Variants in TENM2 observed in about 807,000 individuals in gnomAD.
TENM2 encodes teneurin transmembrane protein 2.
TENM2 carries 52 observed loss-of-function variants against 245.2 expected under a neutral mutation model. The ratio of observed to expected loss-of-function variants is 0.21; its 90% CI spans 0.17 to 0.27. The LOEUF (loss-of-function observed/expected upper bound fraction) is 0.27. Among genes scored for constraint, TENM2 ranks in the 10% least tolerant of loss-of-function variants. TENM2 has a pLI of 1.00. For synonymous variants in TENM2, 1,363 were observed against 1,438.9 expected (o/e 0.95, Z 1.19); for missense variants, 3,046 against 3,666.8 (o/e 0.83, Z 4.37).
chr5:167,169,445 T>C, the TENM2 span, among the ~76,000 whole-genome samples: 1 of 152,222 alleles, frequency 6.6e-6, no homozygotes, highest in Admixed American at 6.5e-5. Flanking sequence ...TGTGGTCACA[T>C]TGCAACTCTT....
intron 1 of TENM2, among the ~76,000 whole-genome samples, chr5:167,350,987 T>C (rs1758858342): frequency 1.1e-4 from 11 of 95,908 alleles, no homozygotes; most frequent in Non-Finnish European, 1.8e-4. Flanking sequence ...CATATGGATA[T>C]ATATATGGAT....
the TENM2 span, among the ~76,000 whole-genome samples, chr5:167,273,086 G>A: frequency 6.6e-6 from 1 of 152,250 alleles, no homozygotes; most frequent in Admixed American, 6.5e-5. Flanking sequence ...TAAGTAGTAG[G>A]ATATTCTGAG....
intron 2 of TENM2, among the ~76,000 whole-genome samples, chr5:167,832,399 C>A (rs1273230504): frequency 2.0e-5 from 3 of 152,232 alleles, no homozygotes; most frequent in Non-Finnish European, 2.9e-5. Flanking sequence ...ATGTGAAAGA[C>A]CCCCAGCTTT....
At chr5:167,530,788 A>G (rs747731287) in intron 2 of TENM2, among the ~76,000 whole-genome samples, 17 of 152,170 alleles carry the variant, frequency 1.1e-4, no homozygotes, top group Non-Finnish European at 1.9e-4. Flanking sequence ...CAGCAAGCGG[A>G]CTTAGATGTC....
chr5:167,113,499 T>G, the TENM2 span, among the ~76,000 whole-genome samples: 12 of 151,830 alleles, frequency 7.9e-5, no homozygotes, highest in Non-Finnish European at 1.3e-4. Context: ...AAAAATTAAC[T>G]GGGCATGGTG....
chr5:167,401,435 C>T (rs1762361145), intron 2 of TENM2, among the ~76,000 whole-genome samples: 1 of 152,020 alleles, frequency 6.6e-6, no homozygotes, highest in Non-Finnish European at 1.5e-5. Flanking sequence ...CATGAGCAGC[C>T]AGTAAGATTC....
chr5:167,322,243 G>GT (rs1561861664), intron 1 of TENM2, among the ~76,000 whole-genome samples: 1 of 145,516 alleles, frequency 6.9e-6, no homozygotes. Context: ...GTTGTTTTTT[G>GT]TTTTTTGTTT....
At chr5:167,340,857 C>T (rs1365273546) in intron 1 of TENM2, among the ~76,000 whole-genome samples, 1 of 152,166 alleles carries the variant, frequency 6.6e-6, no homozygotes, top group Non-Finnish European at 1.5e-5. Flanking sequence ...AAGACTTATT[C>T]CCCAGAATAT....
chr5:168,203,774 C>T (rs1304298941), exon 18 of TENM2: 1 of 1,613,456 alleles, frequency 6.2e-7, no homozygotes, highest in East Asian at 2.2e-5. Flanking sequence ...TCGAGCTGGA[C>T]CCCTCCAACC....
chr5:167,672,213 A>G (rs1755996256), intron 2 of TENM2, among the ~76,000 whole-genome samples: 1 of 152,096 alleles, frequency 6.6e-6, no homozygotes, highest in South Asian at 2.1e-4. Context: ...CAATTTTATA[A>G]AATAACACAC....
chr5:167,779,199 A>C (rs970441841), intron 2 of TENM2, among the ~76,000 whole-genome samples: 1 of 152,206 alleles, frequency 6.6e-6, no homozygotes, highest in African/African-American at 2.4e-5. Context: ...TTTGTGCTGC[A>C]TGTTGTAAGT....
chr5:167,255,081 T>C, the TENM2 span, among the ~76,000 whole-genome samples: 1 of 151,600 alleles, frequency 6.6e-6, no homozygotes, highest in Non-Finnish European at 1.5e-5. Flanking sequence ...TTCTTTTTTT[T>C]TTTTTTTGCT....
chr5:167,596,397 C>G (rs1195965249), intron 2 of TENM2, among the ~76,000 whole-genome samples: 1 of 152,180 alleles, frequency 6.6e-6, no homozygotes, highest in Non-Finnish European at 1.5e-5. Flanking sequence ...TCCCTACAAA[C>G]CCTCAGTTCC....
At chr5:167,826,651 G>T (rs913011346) in intron 2 of TENM2, among the ~76,000 whole-genome samples, 1 of 152,102 alleles carries the variant, frequency 6.6e-6, no homozygotes, top group Non-Finnish European at 1.5e-5. Context: ...TTAATTAATT[G>T]ATTGATTAAG....
intron 5 of TENM2, among the ~76,000 whole-genome samples, chr5:168,016,262 C>G (rs987570370): frequency 5.3e-5 from 8 of 152,174 alleles, no homozygotes; most frequent in African/African-American, 1.9e-4. Context: ...TAGGAACTGC[C>G]CTAATGAAAC....
chr5:167,255,326 A>G, the TENM2 span, among the ~76,000 whole-genome samples: 25 of 152,174 alleles, frequency 1.6e-4, no homozygotes, highest in African/African-American at 5.8e-4. Flanking sequence ...TTTTCCTTTC[A>G]GATGACTGTA....
At chr5:167,445,336 T>TATATATATAGAGAGAGAGAGAG (rs368881390) in intron 2 of TENM2, among the ~76,000 whole-genome samples, 7 of 77,310 alleles carry the variant, frequency 9.1e-5, no homozygotes, top group Admixed American at 1.4e-4. Flanking sequence ...TATATATATA[T>TATATATATAGAGAGAGAGAGAG]AGAGAGAGAG....
chr5:167,428,201 G>T (rs1763994936), intron 2 of TENM2, among the ~76,000 whole-genome samples: 1 of 152,230 alleles, frequency 6.6e-6, no homozygotes, highest in African/African-American at 2.4e-5. Flanking sequence ...AGATATATGA[G>T]TTTTTTAAAA....
the TENM2 span, among the ~76,000 whole-genome samples, chr5:167,086,272 C>G: frequency 6.6e-6 from 1 of 152,178 alleles, no homozygotes; most frequent in African/African-American, 2.4e-5. Flanking sequence ...CCTTCATCAG[C>G]AAGTCCTTTC....
Sources: allele counts gnomAD v4.1 joint callset (sites outside exome capture counted in the v4.1 genomes callset), GRCh38; gene constraint gnomAD v4.1.1; transcripts MANE v1.5; gene names NCBI Gene and HGNC (gene_info 2026-07-23, HGNC 2026-07-21).